ESYT1: variants seen among roughly 807,000 people sequenced by gnomAD.
ESYT1 encodes the protein extended synaptotagmin 1, also known as extended synaptotagmin-1.
A neutral mutation model predicts 154.2 loss-of-function variants in ESYT1; 116 were observed. The observed-to-expected ratio is 0.75, with a 90% CI of 0.65 to 0.88. The LOEUF (loss-of-function observed/expected upper bound fraction) is 0.88, where lower values mean the gene tolerates loss of function less well. ESYT1 is among the 40% of genes least tolerant of loss of function. ESYT1 has a pLI of 0.00. For missense variants in ESYT1, 1,264 were observed against 1,379.3 expected, an observed-to-expected ratio of 0.92 and a Z score of 1.32; for synonymous variants, 500 against 539.9, an observed-to-expected ratio of 0.93 and a Z score of 1.02.
At chr12:56,138,715 G>A (rs1045791486) in intron 22 of ESYT1, 53 bp from the exon 23 acceptor site, 5 of 1,529,064 alleles carry the variant, frequency 3.3e-6, no homozygotes, top group Admixed American at 1.7e-5. Flanking sequence ...TTTGTGAGGG[G>A]GATCTGCCTA....
intron 24 of ESYT1, among the ~76,000 whole-genome samples, chr12:56,140,908 G>C (rs1870662215): frequency 1.3e-5 from 2 of 152,180 alleles, no homozygotes; most frequent in Non-Finnish European, 2.9e-5. Context: ...TTGGCACAGG[G>C]TGGCTAGATG....
intron 15 of ESYT1, among the ~76,000 whole-genome samples, chr12:56,135,529 C>T (rs1363355908): frequency 1.3e-5 from 2 of 151,922 alleles, no homozygotes; most frequent in Admixed American, 6.6e-5. Flanking sequence ...TCTGCCTTCA[C>T]AATACTCACT....
chr12:56,131,486 G>T lies in ESYT1; in HGVS notation c.724G>T (p.Val242Phe), dbSNP rs141902607. 3 of 1,614,044 alleles carry T rather than the reference G, an allele frequency of 1.9e-6. No individual in the cohort carries two copies. The highest frequency in any genetic ancestry group is 1.7e-6 in the Non-Finnish European group (2 of 1,180,048). Reference sequence around the variant, plus strand: ...TCTCTTCTTGCCTCAGCTACATGGCGTTTTGCGGGTGATACTGGAGCCACT... The same window carrying T: ...TCTCTTCTTGCCTCAGCTACATGGCTTTTTGCGGGTGATACTGGAGCCACT... ...AGVKGMQLHGVLRVILEPLIG... is the reference protein window; with the variant it reads ...AGVKGMQLHGFLRVILEPLIG... The change falls in exon 6 of 31, where the codon GTT (valine) becomes TTT (phenylalanine). Residue 242 changes from valine (V) to phenylalanine (F), a missense_variant. Val to Phe is a conservative substitution (Grantham distance 50). Coordinates refer to ENST00000394048, the MANE Select transcript of ESYT1 (RefSeq NM_015292.3).
At chr12:56,134,887 C>G (rs894637171) in intron 15 of ESYT1, among the ~76,000 whole-genome samples, 2 of 152,144 alleles carry the variant, frequency 1.3e-5, no homozygotes, top group Non-Finnish European at 2.9e-5. Flanking sequence ...GCATGAGCCA[C>G]TGCACCTGGC....
chr12:56,137,759 G>A, intron 18 of ESYT1, 73 bp from the exon 19 acceptor site: 1 of 1,608,610 alleles, frequency 6.2e-7, no homozygotes. Context: ...CTGAGGTTCA[G>A]TTGACTGGGG....
chr12:56,130,363 C>T (rs1870181754), intron 1 of ESYT1: 1 of 619,122 alleles, frequency 1.6e-6, no homozygotes, highest in African/African-American at 1.8e-5. Context: ...CACAGGGCAA[C>T]AGCGTGACCT....
At chr12:56,136,083 G>GGAACA (rs1040142645) in intron 15 of ESYT1, among the ~76,000 whole-genome samples, 1 of 143,560 alleles carries the variant, frequency 7.0e-6, no homozygotes. Flanking sequence ...AAAAAAAAAA[G>GGAACA]GAACAGAAGA....
Position 56,142,612 on chromosome 12 carries a change from A to G in ESYT1, c.2768A>G (p.His923Arg), listed in dbSNP as rs1041140438. ...TCCCAGCACTCGGGAGTGGAAGCTC[A>G]TAGCCACAGCTACAGCCACAGCTCC... Reference protein sequence around the residue: ...LVSQHSGVEAHSHSYSHSSSS... With the variant: ...LVSQHSGVEARSHSYSHSSSS... Residue 923 changes from histidine to arginine, a missense_variant, in exon 26 of 31, where the codon CAT (histidine) becomes CGT (arginine). Physicochemically the swap from His to Arg is conservative, Grantham distance 29 (BLOSUM62 0). Coordinates refer to ENST00000394048, the MANE Select transcript of ESYT1 (RefSeq NM_015292.3). This position sits in a 1 kb window ranked among gnomAD's most constrained non-coding sequence, Gnocchi z 4.1. 6.2e-7 allele frequency: 1 copy of G among 1,612,688 alleles called. No homozygotes were observed. Among genetic ancestry groups the G allele is most frequent in the African/African-American group, 1.3e-5 (1 of 74,900 alleles).
intron 16 of ESYT1, 136 bp downstream of exon 16, chr12:56,137,029 T>C (rs984128869): frequency 1.5e-6 from 2 of 1,311,986 alleles, no homozygotes; most frequent in African/African-American, 1.5e-5. Context: ...CAAAAACATA[T>C]ATTGATCTGA....
Position 56,128,401 on chromosome 12 carries a change from C to G in ESYT1, c.82C>G (p.Pro28Ala), listed in dbSNP as rs752763872. The change falls in exon 1 of 31, where the codon CCC (proline) becomes GCC (alanine). Residue 28 changes from proline (P) to alanine (A), a missense_variant. By Grantham distance (27) the Pro-to-Ala change is conservative. Transcript: ENST00000394048. ...SAPSDPTDQP[P>A]AAHAKPDPGS... ...TCCCTCCGACCCCACTGACCAGCCCCCCGCTGCTCACGCAAAGCCAGACCC... is the reference window on the plus strand; with the variant it reads ...TCCCTCCGACCCCACTGACCAGCCCGCCGCTGCTCACGCAAAGCCAGACCC... 2 of 1,611,948 alleles carry G rather than the reference C, an allele frequency of 1.2e-6. No individual in the cohort carries two copies. Among genetic ancestry groups the G allele is most frequent in the Admixed American group, 3.3e-5 (2 of 59,762 alleles).
rs148377879 is a variant in ESYT1 at position 56,142,345 on chromosome 12, G to A, written c.2653G>A (p.Val885Met). ...SLSLPLSELL[V>M]ADQLCLDRWF... ...ATCCCTGCCCCTCTCAGAGCTCCTC[G>A]TGGCTGACCAGCTCTGCTTGGACCG... Residue 885 changes from valine (V) to methionine (M), a missense_variant, in exon 25 of 31, where the codon GTG (valine) becomes ATG (methionine). Transcript: ENST00000394048. The surrounding 1 kb of genome is among the most constrained non-coding windows in gnomAD (Gnocchi z 4.1). 1.6e-5 allele frequency: 26 copies of A among 1,614,142 alleles called. No homozygotes were observed. Among genetic ancestry groups the A allele is most frequent in the East Asian group, 6.7e-5 (3 of 44,888 alleles).
chr12:56,142,008 G>C lies in ESYT1; in HGVS notation c.2593-277G>C, dbSNP rs1431118986. ...AGCTACTCAGGAGGTTGAGGCAGGA[G>C]AATCGCTTGAACCTGGGAGGCGGAG... On this transcript the variant is annotated intron_variant, in intron 24 of 30. Coordinates refer to ENST00000394048, the MANE Select transcript of ESYT1 (RefSeq NM_015292.3). This position sits in a 1 kb window ranked among gnomAD's most constrained non-coding sequence, Gnocchi z 4.1. 6.6e-6 allele frequency among the ~76,000 whole-genome samples: 1 copy of C among 151,324 alleles called. No homozygotes were observed. Among genetic ancestry groups the C allele is most frequent in the Admixed American group, 6.6e-5 (1 of 15,174 alleles).
chr12:56,144,294 C>T lies in ESYT1; in HGVS notation c.*432C>T. The stretch of plus-strand genomic sequence containing the variant: ...TGGGTGGGAAGGTGGACAGGCTAAC[C>T]TCTCCAGCTGTGAGCCTCTTAGACT... On this transcript the variant is annotated 3_prime_UTR_variant, in exon 31 of 31. Coordinates refer to ENST00000394048, the MANE Select transcript of ESYT1 (RefSeq NM_015292.3). 9.4e-7 allele frequency: 1 copy of T among 1,059,216 alleles called. No individual in the cohort carries two copies. The highest frequency in any genetic ancestry group is 1.1e-6 in the Non-Finnish European group (1 of 873,718). The allele number at this position is 1,059,216 out of a possible 1,614,324, so 65.6% of individuals were successfully genotyped here. A position where few individuals can be genotyped will look rare whatever the true frequency, so the allele number is the denominator to read the frequency against.
chr12:56,136,714 TC>T (rs1285038504), intron 15 of ESYT1, 29 bp from the exon 16 acceptor site: 1 of 1,561,024 alleles, frequency 6.4e-7, no homozygotes, highest in Admixed American at 1.9e-5. Flanking sequence ...CCTAATCCCT[TC>T]ACTACAGTCC....
In ESYT1 at chr12:56,137,613, C is replaced by T. The variant is rs190627061; in HGVS notation, c.2053C>T (p.Arg685Ter). ...CTATGTCAAACTAAAGTTGGCAGGA[C>T]GAAGCTTCCGGAGCCATGTTGTTCG... ...DPYVKLKLAGRSFRSHVVRED... is the reference protein window; with the variant it reads ...DPYVKLKLAG The change falls in exon 18 of 31, where the codon CGA becomes TGA. Residue 685 changes from arginine (R) to a stop codon, truncating the protein, a stop_gained. Transcript: ENST00000394048. LOFTEE classifies it high-confidence loss of function. 22 of 1,614,126 alleles carry T rather than the reference C, an allele frequency of 1.4e-5. No homozygotes were observed. Among genetic ancestry groups the T allele is most frequent in the African/African-American group, 2.7e-5 (2 of 75,008 alleles).
chr12:56,132,410 C>G lies in ESYT1; in HGVS notation c.985-11C>G. 6.2e-7 allele frequency: 1 copy of G among 1,614,100 alleles called. No individual in the cohort carries two copies. Among genetic ancestry groups the G allele is most frequent in the South Asian group, 1.1e-5 (1 of 91,084 alleles). Reference sequence around the variant, plus strand: ...GTCCTTAGTTTCTCACCATCTGATTCCTTCCTCCAGGGCATTATTCGAATT... The same window carrying G: ...GTCCTTAGTTTCTCACCATCTGATTGCTTCCTCCAGGGCATTATTCGAATT... On this transcript the variant is annotated splice_polypyrimidine_tract_variant and intron_variant, in intron 8 of 30. Coordinates refer to ENST00000394048, the MANE Select transcript of ESYT1 (RefSeq NM_015292.3).
chr12:56,143,544 G>T (rs1472060797), intron 29 of ESYT1, 36 bp from the exon 30 acceptor site: 5 of 1,612,768 alleles, frequency 3.1e-6, no homozygotes, highest in Non-Finnish European at 4.2e-6. Context: ...AAAAATAAAA[G>T]AAATAACATC....
At position 56,131,558 on chromosome 12, in the gene ESYT1, C is replaced by G; in HGVS notation, c.796C>G (p.Arg266Gly). ...GGGGGCTGTGTCAATGTTCTTCATC[C>G]GACGCCCGGTAAGGGAAAACAATGA... ...FVGAVSMFFI[R>G]RPTLDINWTG... Residue 266 changes from arginine (R) to glycine (G), a missense_variant, in exon 6 of 31, where the codon CGA (arginine) becomes GGA (glycine). Transcript: ENST00000394048. 1 of 1,613,906 alleles carries G rather than the reference C, an allele frequency of 6.2e-7. No individual in the cohort carries two copies. The highest frequency in any genetic ancestry group is 8.5e-7 in the Non-Finnish European group (1 of 1,180,002).
intron 29 of ESYT1, 34 bp from the exon 30 acceptor site, chr12:56,143,546 A>G (rs1214138861): frequency 2.5e-6 from 4 of 1,613,026 alleles, no homozygotes; most frequent in Admixed American, 3.3e-5. Context: ...AAATAAAAGA[A>G]ATAACATCTT....
Sources: allele counts gnomAD v4.1 joint callset (sites outside exome capture counted in the v4.1 genomes callset), GRCh38; gene constraint gnomAD v4.1.1; non-coding constraint Gnocchi (gnomAD v3.1); transcripts MANE v1.5; gene names NCBI Gene and HGNC (gene_info 2026-07-23, HGNC 2026-07-21).